The following FHOD1 variants were observed in gnomAD, a reference collection of about 807,000 sequenced individuals.
FHOD1 encodes the protein FH1/FH2 domain-containing protein 1.
A neutral mutation model predicts 111.6 loss-of-function variants in FHOD1; 89 were observed. The ratio of observed to expected loss-of-function variants is 0.80; its 90% CI spans 0.67 to 0.95. The LOEUF (loss-of-function observed/expected upper bound fraction) is 0.95, where lower values mean the gene tolerates loss of function less well. Among genes scored for constraint, FHOD1 ranks in the 40% least tolerant of loss-of-function variants. The pLI is 0.00. For missense variants in FHOD1, 1,446 were observed against 1,554.2 expected (o/e 0.93, Z 1.17); for synonymous variants, 618 against 639.0 (o/e 0.97, Z 0.50).
rs562430626 is a variant in FHOD1 at position 67,244,818 on chromosome 16, T to C, written c.201+2392A>G. Among the ~76,000 whole-genome samples the C allele has an allele frequency of 3.5e-4, 53 of 152,296 alleles. No homozygotes were observed. In the South Asian group the frequency reaches 9.9e-3, roughly 29 times the overall value. On this transcript the variant is annotated intron_variant, in intron 1 of 21. Transcript: ENST00000258201. The stretch of plus-strand genomic sequence containing the variant: ...TGAGTAAAGAACCCCTTCCTCTTAT[T>C]TCTGCCCTACAGCTTGGGACAGGGA...
rs764393738 is a variant in FHOD1 at position 67,234,129 on chromosome 16, T to C, written c.1574A>G (p.Lys525Arg). 1 of 1,576,008 alleles carries C rather than the reference T, an allele frequency of 6.3e-7. No homozygotes were observed. The highest frequency in any genetic ancestry group is 8.6e-7 in the Non-Finnish European group (1 of 1,158,556). The change falls in exon 13 of 22, where the codon AAG (lysine) becomes AGG (arginine). Residue 525 changes from lysine to arginine, a missense_variant. Lys to Arg is a conservative substitution (Grantham distance 26). Around this residue, in one of 3 missense-constraint regions of FHOD1, gnomAD observed 1,085 missense variants for 1,108.8 expected, o/e 0.98. Transcript: ENST00000258201. The part of the protein sequence containing the change: ...PKEPLIPASP[K>R]AEPIWELPTR... ...AGGGAGCTCCCAGATGGGCTCAGCC[T>C]TGGGGCTTGCTGGTATCAGTGGCTC...
chr16:67,240,065 AGTGTGTCTGTGTGTGT>A (rs1330055122), intron 1 of FHOD1, among the ~76,000 whole-genome samples: 3 of 152,056 alleles, frequency 2.0e-5, no homozygotes, highest in Non-Finnish European at 2.9e-5. Flanking sequence ...CACCCGGGAG[AGTGTGTCTGTGTGTGT>A]GTGTGTCTCA....
In FHOD1 at chr16:67,247,352, A is replaced by C; in HGVS notation, c.59T>G (p.Val20Gly). 1 of 1,613,496 alleles carries C rather than the reference A, an allele frequency of 6.2e-7. No homozygotes were observed. The highest frequency in any genetic ancestry group is 8.5e-7 in the Non-Finnish European group (1 of 1,179,790). ...GEPVSVVTVR[V>G]QYLEDTDPFA... ...GGGGTCGGTGTCTTCCAGGTACTGC[A>C]CCCTCACGGTCACCACTGATACCGG... The change falls in exon 1 of 22, where the codon GTG (valine) becomes GGG (glycine). Residue 20 changes from valine (V) to glycine (G), a missense_variant. Transcript: ENST00000258201.
Position 67,238,531 on chromosome 16 carries a change from A to C in FHOD1, c.374-84T>G. 8.0e-7 allele frequency: 1 copy of C among 1,252,018 alleles called. No individual in the cohort carries two copies. Among genetic ancestry groups the C allele is most frequent in the Non-Finnish European group, 1.1e-6 (1 of 871,152 alleles). The allele number at this position is 1,252,018 out of a possible 1,614,324, so 77.6% of individuals were successfully genotyped here. ...TGGATACAACCACAACTCTCCACCA[A>C]AGAATAGTCTAATATATATGTTTTG... On this transcript the variant is annotated intron_variant, in intron 3 of 21. Coordinates refer to ENST00000258201, the MANE Select transcript of FHOD1 (RefSeq NM_013241.3). This position sits in a 1 kb window ranked among gnomAD's most constrained non-coding sequence, Gnocchi z 4.2.
chr16:67,247,051 C>A lies in FHOD1; in HGVS notation c.201+159G>T, dbSNP rs2034877843. The A allele has an allele frequency of 8.7e-6, 7 of 800,986 alleles. No homozygotes were observed. The South Asian group carries it at 1.4e-4, about 16-fold the overall frequency. The allele number at this position is 800,986 out of a possible 1,614,324, so 49.6% of individuals were successfully genotyped here. A position where few individuals can be genotyped will look rare whatever the true frequency, so the allele number is the denominator to read the frequency against. ...TTCCCCTCAACTTGAGAGGGGACTC[C>A]CCCGCAGGCGGGGCAGAGTGGACCC... On this transcript the variant is annotated intron_variant, in intron 1 of 21. Transcript: ENST00000258201.
Position 67,231,890 on chromosome 16 carries a change from C to T in FHOD1, c.2203-71G>A. On this transcript the variant is annotated intron_variant, in intron 14 of 21. Coordinates refer to ENST00000258201, the MANE Select transcript of FHOD1 (RefSeq NM_013241.3). This position sits in a 1 kb window ranked among gnomAD's most constrained non-coding sequence, Gnocchi z 4.3. ...TGAGGCCTGAGGCATTGGTCTTGAC[C>T]CCTCAGTCATCTAGGGGAGGCCCCA... 1 of 1,554,678 alleles carries T rather than the reference C, an allele frequency of 6.4e-7. No homozygotes were observed. Among genetic ancestry groups the T allele is most frequent in the Non-Finnish European group, 8.7e-7 (1 of 1,146,358 alleles).
At position 67,236,087 on chromosome 16, in the gene FHOD1, GAGGA is replaced by G. The variant is rs2034464924; in HGVS notation, c.1319+466_1319+469del. ...CAGGGGCCCTGGGTAGGGGGGATGA[GAGGA>G]AGAGATGGTAACTGTGGTGTCAGCT... On this transcript the variant is annotated intron_variant, in intron 11 of 21. Coordinates refer to ENST00000258201, the MANE Select transcript of FHOD1 (RefSeq NM_013241.3). 1.7e-5 allele frequency: 16 copies of G among 955,692 alleles called. No homozygotes were observed. The South Asian group carries it at 6.3e-4, about 37-fold the overall frequency. The allele number at this position is 955,692 out of a possible 1,614,324, so 59.2% of individuals were successfully genotyped here.
Position 67,236,731 on chromosome 16 carries a change from G to T in FHOD1, c.1145C>A (p.Pro382His). ...GCCTACCGGTGAGGCGGGGCCTGTG[G>T]GGCTGAAAGCAGGGGCTGTCAGTGG... Reference protein sequence around the residue: ...GCPARAPEPGPTGPASPVGPT... With the variant: ...GCPARAPEPGHTGPASPVGPT... The change falls in exon 11 of 22, where the codon CCC becomes CAC. Residue 382 changes from proline (P) to histidine (H), a missense_variant and splice_region_variant. Around this residue, in one of 3 missense-constraint regions of FHOD1, gnomAD observed 1,085 missense variants for 1,108.8 expected, o/e 0.98. Transcript: ENST00000258201. The T allele has an allele frequency of 5.8e-6, 9 of 1,544,958 alleles. No homozygotes were observed. The highest frequency in any genetic ancestry group is 7.0e-6 in the Non-Finnish European group (8 of 1,144,788).
At position 67,230,352 on chromosome 16, in the gene FHOD1, G is replaced by A. The variant is rs769648476; in HGVS notation, c.3013C>T (p.Arg1005Cys). Residue 1005 changes from arginine (R) to cysteine (C), a missense_variant, in exon 19 of 22, where the codon CGT becomes TGT. Physicochemically the swap from Arg to Cys is radical, Grantham distance 180. Around this residue, in one of 3 missense-constraint regions of FHOD1, gnomAD observed 1,085 missense variants for 1,108.8 expected, o/e 0.98. Coordinates refer to ENST00000258201, the MANE Select transcript of FHOD1 (RefSeq NM_013241.3). ...CGTCCCCGGGTCTTGTTGCGCTCAC[G>A]GTATGTGGCCTGCTTCTGCTGCTGC... Reference protein sequence around the residue: ...LQQQQKQATYRERNKTRGRMI... With the variant: ...LQQQQKQATYCERNKTRGRMI... 22 of 1,614,104 alleles carry A rather than the reference G, an allele frequency of 1.4e-5. No individual in the cohort carries two copies. The highest frequency in any genetic ancestry group is 4.0e-5 in the African/African-American group (3 of 74,930).
In FHOD1 at chr16:67,231,984, C is replaced by G. The variant is rs573024809; in HGVS notation, c.2202+55G>C. The G allele has an allele frequency of 1.9e-6, 3 of 1,600,372 alleles. No homozygotes were observed. Among genetic ancestry groups the G allele is most frequent in the African/African-American group, 1.3e-5 (1 of 74,660 alleles). ...CACCAGAGGGACAGGAAATGCCCAC[C>G]TACCAAAGGAGAAGGCCAGACCTCC... On this transcript the variant is annotated intron_variant, in intron 14 of 21. Transcript: ENST00000258201. This position sits in a 1 kb window ranked among gnomAD's most constrained non-coding sequence, Gnocchi z 4.3.
At chr16:67,239,926 G>C (rs1421054326) in intron 1 of FHOD1, among the ~76,000 whole-genome samples, 3 of 152,230 alleles carry the variant, frequency 2.0e-5, no homozygotes, top group African/African-American at 7.2e-5. Context: ...ATGAGGAAGG[G>C]GAATGGAGAG....
chr16:67,233,006 C>T (rs1443631789), intron 13 of FHOD1, among the ~76,000 whole-genome samples: 1 of 152,076 alleles, frequency 6.6e-6, no homozygotes, highest in South Asian at 2.1e-4. Flanking sequence ...ATCTGCCTGC[C>T]TTGGCCTCCC....
intron 1 of FHOD1, among the ~76,000 whole-genome samples, chr16:67,240,556 A>G (rs1343928091): frequency 1.3e-5 from 2 of 152,164 alleles, no homozygotes; most frequent in Non-Finnish European, 2.9e-5. Flanking sequence ...AAAACACTTA[A>G]GAGTCTGACT....
At position 67,236,312 on chromosome 16, in the gene FHOD1, CAA is replaced by C. The variant is rs568768537; in HGVS notation, c.1319+243_1319+244del. The stretch of plus-strand genomic sequence containing the variant: ...GACAGATAGTGGGCGGGAGACATGA[CAA>C]GAGGCAAAGACAGGCAGAACGTCGG... On this transcript the variant is annotated intron_variant, in intron 11 of 21. Coordinates refer to ENST00000258201, the MANE Select transcript of FHOD1 (RefSeq NM_013241.3). The C allele has an allele frequency of 1.5e-4, 185 of 1,271,298 alleles. No homozygotes were observed. In the African/African-American group the frequency reaches 2.1e-3, roughly 14 times the overall value. 78.8% of individuals were successfully genotyped at this position (1,271,298 alleles called of 1,614,324 possible). A position where few individuals can be genotyped will look rare whatever the true frequency, so the allele number is the denominator to read the frequency against.
rs761974488 is a variant in FHOD1 at position 67,231,786 on chromosome 16, G to A, written c.2236C>T (p.Arg746Trp). The change falls in exon 15 of 22, where the codon CGG becomes TGG. Residue 746 changes from arginine to tryptophan, a missense_variant. Arg to Trp is a moderately radical substitution (Grantham distance 101, BLOSUM62 -3). This residue lies in a region of FHOD1 where 1,085 missense variants were observed against 1,108.8 expected (regional missense o/e 0.98). Coordinates refer to ENST00000258201, the MANE Select transcript of FHOD1 (RefSeq NM_013241.3). The surrounding 1 kb of genome is among the most constrained non-coding windows in gnomAD (Gnocchi z 4.3). ...AGCTGGGCTTCCTCAATCTTCTGCCGCTCTTCCTCCGTGGGCATCATGGTC... is the reference window on the plus strand; with the variant it reads ...AGCTGGGCTTCCTCAATCTTCTGCCACTCTTCCTCCGTGGGCATCATGGTC... ...LLTMMPTEEERQKIEEAQLAN... is the reference protein window; with the variant it reads ...LLTMMPTEEEWQKIEEAQLAN... 15 of 1,614,008 alleles carry A rather than the reference G, an allele frequency of 9.3e-6. No homozygotes were observed. The highest frequency in any genetic ancestry group is 2.7e-5 in the African/African-American group (2 of 74,924).
At chr16:67,236,794 G>T in intron 10 of FHOD1, 61 bp from the exon 11 acceptor site, 3 of 1,335,720 alleles carry the variant, frequency 2.2e-6, no homozygotes, top group Non-Finnish European at 3.0e-6. Flanking sequence ...GCCTGTCAGT[G>T]GGGTGGGGCC....
chr16:67,243,919 A>T (rs1334035758), intron 1 of FHOD1, among the ~76,000 whole-genome samples: 1 of 152,172 alleles, frequency 6.6e-6, no homozygotes, highest in Non-Finnish European at 1.5e-5. Flanking sequence ...AGCAGATTGG[A>T]TAGTCCAGCC....
chr16:67,230,006 TA>T lies in FHOD1; in HGVS notation c.3215-17del, dbSNP rs772049359. On this transcript the variant is annotated splice_polypyrimidine_tract_variant and intron_variant, in intron 20 of 21. Transcript: ENST00000258201. ...TGGACCATGCCTGAGGAAGGCCAGA[TA>T]GCAAAGTCAGGCCAAGGTGGCACTG... is the stretch of plus-strand genomic sequence containing the variant. The T allele has an allele frequency of 5.6e-6, 9 of 1,613,160 alleles. No homozygotes were observed. Among genetic ancestry groups the T allele is most frequent in the Non-Finnish European group, 7.6e-6 (9 of 1,179,300 alleles).
At position 67,242,122 on chromosome 16, in the gene FHOD1, C is replaced by G. The variant is rs1367839394; in HGVS notation, c.202-2668G>C. Among the ~76,000 whole-genome samples the G allele has an allele frequency of 3.9e-5, 6 of 152,290 alleles. No individual in the cohort carries two copies. In the East Asian group the frequency reaches 1.2e-3, roughly 29 times the overall value. On this transcript the variant is annotated intron_variant, in intron 1 of 21. Transcript: ENST00000258201. ...TAGCTAAGGTTACAGGCGTGCATCA[C>G]CATGCCTGGCTAATTTTTGTATTTT... is the stretch of plus-strand genomic sequence containing the variant.
Sources: gnomAD v4.1 joint callset for allele counts (sites outside exome capture counted in the v4.1 genomes callset) on GRCh38, gnomAD v4.1.1 for gene constraint, gnomAD v4.1.1 regional missense constraint, Gnocchi (gnomAD v3.1) non-coding constraint, MANE v1.5 for transcripts, NCBI Gene and HGNC (gene_info 2026-07-23, HGNC 2026-07-21) for gene names.